The following PITPNB variants were observed in gnomAD, a reference collection of about 807,000 sequenced individuals.
PITPNB encodes the protein phosphatidylinositol transfer protein beta isoform.
Under a neutral mutation model 45.9 loss-of-function variants are expected in PITPNB, and 16 were observed. The ratio of observed to expected loss-of-function variants is 0.35; its 90% confidence interval spans 0.24 to 0.53. The LOEUF (loss-of-function observed/expected upper bound fraction) is 0.53. Ranked by LOEUF, PITPNB falls within the 20% of genes least tolerant of loss-of-function variation. The pLI, the probability that PITPNB is intolerant of heterozygous loss-of-function variation, is 0.93. For missense variants in PITPNB, 188 were observed against 330.5 expected (o/e 0.57, Z 3.34); for synonymous variants, 112 against 108.9 (o/e 1.03, Z -0.18).
rs143061377 is a variant in PITPNB at position 27,863,174 on chromosome 22, G to C, written c.535-2933C>G. ...ATATAGCTGCCAAACAGTAGCACTA[G>C]ACTAGGAGTGCTACTTTGTTAAACT... On this transcript the variant is annotated intron_variant, in intron 8 of 11. Transcript: ENST00000335272. Among the ~76,000 whole-genome samples, 544 of 152,246 alleles carry C rather than the reference G, an allele frequency of 3.6e-3. 3 individuals carry two copies. The highest frequency in any genetic ancestry group is 0.012 in the African/African-American group (481 of 41,550).
chr22:27,898,084 A>C (rs977366963), intron 3 of PITPNB, 192 bp from the exon 4 acceptor site: 4 of 543,498 alleles, frequency 7.4e-6, no homozygotes, highest in African/African-American at 5.7e-5. Flanking sequence ...AAAAATGATT[A>C]AGAATATTTA....
chr22:27,890,316 T>C (rs1935236791), intron 7 of PITPNB, among the ~76,000 whole-genome samples: 1 of 151,914 alleles, frequency 6.6e-6, no homozygotes, highest in Admixed American at 6.6e-5. Context: ...AAAAAGTTCT[T>C]CTCTTTCTTT....
At chr22:27,890,022 C>T (rs978030809) in intron 7 of PITPNB, among the ~76,000 whole-genome samples, 7 of 152,144 alleles carry the variant, frequency 4.6e-5, no homozygotes, top group East Asian at 1.9e-4. Context: ...CTAGTCAAGG[C>T]CCAAACAATG....
chr22:27,901,275 C>G (rs767392004), intron 3 of PITPNB, among the ~76,000 whole-genome samples: 3 of 152,188 alleles, frequency 2.0e-5, no homozygotes, highest in Non-Finnish European at 4.4e-5. Context: ...ATAAGGTACA[C>G]TGAACGCCTG....
chr22:27,900,588 A>C (rs1480774462), intron 3 of PITPNB, among the ~76,000 whole-genome samples: 2 of 152,202 alleles, frequency 1.3e-5, no homozygotes, highest in Non-Finnish European at 2.9e-5. Flanking sequence ...TTAACGTGAG[A>C]ACATTATCAA....
intron 7 of PITPNB, among the ~76,000 whole-genome samples, chr22:27,893,119 G>A (rs1437239880): frequency 6.6e-6 from 1 of 152,098 alleles, no homozygotes; most frequent in African/African-American, 2.4e-5. Flanking sequence ...CAAAACAAAG[G>A]GTACCACTCT....
At chr22:27,856,083 G>A (rs1934164420) in intron 10 of PITPNB, among the ~76,000 whole-genome samples, 1 of 152,148 alleles carries the variant, frequency 6.6e-6, no homozygotes, top group Admixed American at 6.5e-5. Context: ...ATGACCTACA[G>A]CAAAATAACT....
At chr22:27,874,410 C>A (rs181254025) in intron 7 of PITPNB, among the ~76,000 whole-genome samples, 3 of 152,154 alleles carry the variant, frequency 2.0e-5, no homozygotes, top group African/African-American at 7.2e-5. Context: ...ACTGCACTCA[C>A]GTCATCCCCT....
chr22:27,853,424 CTG>C lies in PITPNB; in HGVS notation c.*276_*277del, dbSNP rs1934083321. On this transcript the variant is annotated 3_prime_UTR_variant, in exon 12 of 12. Coordinates refer to ENST00000335272, the MANE Select transcript of PITPNB (RefSeq NM_012399.5). Reference sequence around the variant, plus strand: ...AATTGTACTAATCCCTTCAGTATGTCTGTATGTACATATATACACAAGTGTGT... The same window carrying C: ...AATTGTACTAATCCCTTCAGTATGTCTATGTACATATATACACAAGTGTGT... 2 of 553,020 alleles carry C rather than the reference CTG, an allele frequency of 3.6e-6. No homozygotes were observed. The highest frequency in any genetic ancestry group is 3.2e-5 in the Admixed American group (1 of 31,448). 34.3% of individuals were successfully genotyped at this position (553,020 alleles called of 1,614,324 possible).
intron 3 of PITPNB, among the ~76,000 whole-genome samples, chr22:27,901,887 A>C (rs1935604720): frequency 6.6e-6 from 1 of 152,052 alleles, no homozygotes; most frequent in Non-Finnish European, 1.5e-5. Context: ...TGTCTCAAAA[A>C]TAATAATAAT....
At chr22:27,860,404 G>A (rs558323716) in intron 8 of PITPNB, 163 bp from the exon 9 acceptor site, 15 of 537,076 alleles carry the variant, frequency 2.8e-5, no homozygotes, top group South Asian at 1.3e-4. Context: ...AGCAAAAGCC[G>A]CAGTATTCCC....
At chr22:27,873,041 G>A (rs1934713444) in intron 8 of PITPNB, among the ~76,000 whole-genome samples, 1 of 152,248 alleles carries the variant, frequency 6.6e-6, no homozygotes, top group Admixed American at 6.5e-5. Context: ...GCCAGGGCGG[G>A]TGGATCACCT....
intron 7 of PITPNB, among the ~76,000 whole-genome samples, chr22:27,878,738 T>C (rs1934887919): frequency 6.6e-6 from 1 of 152,234 alleles, no homozygotes; most frequent in East Asian, 1.9e-4. Flanking sequence ...AGAAGTGTTT[T>C]AGAGCAATTC....
At chr22:27,872,630 A>G (rs1934702551) in intron 8 of PITPNB, among the ~76,000 whole-genome samples, 8 of 151,806 alleles carry the variant, frequency 5.3e-5, no homozygotes, top group Admixed American at 5.2e-4. Flanking sequence ...GAACCACTCA[A>G]TGAGTTCTCT....
rs138315601 is a variant in PITPNB, at chr22:27,862,808, C to G, written c.535-2567G>C. Among the ~76,000 whole-genome samples, 224 of 152,234 alleles carry G rather than the reference C, an allele frequency of 1.5e-3. 1 individual carries two copies. Among genetic ancestry groups the G allele is most frequent in the African/African-American group, 5.0e-3 (209 of 41,530 alleles). On this transcript the variant is annotated intron_variant, in intron 8 of 11. Coordinates refer to ENST00000335272, the MANE Select transcript of PITPNB (RefSeq NM_012399.5). ...GAGGATAATTATGTAAATAATGCTG[C>G]CCTTGGTGTCAATATTCTCACCCCG... is the stretch of plus-strand genomic sequence containing the variant.
At chr22:27,912,182 G>C (rs150739330) in intron 2 of PITPNB, among the ~76,000 whole-genome samples, 207 of 152,292 alleles carry the variant, frequency 1.4e-3, no homozygotes, top group Admixed American at 2.0e-3. Flanking sequence ...ACAACAGGTA[G>C]TTTAAGCTCA....
At chr22:27,876,618 C>A (rs1200063111) in intron 7 of PITPNB, among the ~76,000 whole-genome samples, 1 of 152,126 alleles carries the variant, frequency 6.6e-6, no homozygotes, top group Admixed American at 6.5e-5. Context: ...TGTATTTCCA[C>A]AACAAACACC....
At chr22:27,860,368 G>T in intron 8 of PITPNB, 127 bp from the exon 9 acceptor site, 1 of 588,412 alleles carries the variant, frequency 1.7e-6, no homozygotes, top group Non-Finnish European at 2.9e-6. Flanking sequence ...GTTTAATTCA[G>T]ATATTTGAAA....
chr22:27,918,930 G>A (rs1435244426), intron 1 of PITPNB, among the ~76,000 whole-genome samples: 1 of 151,958 alleles, frequency 6.6e-6, no homozygotes, highest in African/African-American at 2.4e-5. Context: ...ATGCGCTCGG[G>A]CCGGGACCCA....
Sources: gnomAD v4.1 joint callset for allele counts (sites outside exome capture counted in the v4.1 genomes callset) on GRCh38, gnomAD v4.1.1 for gene constraint, MANE v1.5 for transcripts, NCBI Gene and HGNC (gene_info 2026-07-23, HGNC 2026-07-21) for gene names.